RAPGEF4: variants seen among roughly 807,000 people sequenced by gnomAD.
RAPGEF4 encodes the protein RAP guanine-nucleotide-exchange factor (GEF) 4.
Under a neutral mutation model 147.9 loss-of-function variants are expected in RAPGEF4, and 66 were observed. The observed-to-expected ratio is 0.45, with a 90% CI of 0.37 to 0.55. The LOEUF (loss-of-function observed/expected upper bound fraction) is 0.55. RAPGEF4 is among the 20% of genes least tolerant of loss of function. The probability of loss-of-function intolerance (pLI) is 0.00; values close to 1 mark genes in which losing one functional copy is unlikely to be tolerated. For synonymous variants in RAPGEF4, 419 were observed against 442.7 expected, an observed-to-expected ratio of 0.95 and a Z score of 0.67; for missense variants, 1,071 against 1,257.3, an observed-to-expected ratio of 0.85 and a Z score of 2.24.
At chr2:172,750,332 A>G (rs532569691) in intron 1 of RAPGEF4, among the ~76,000 whole-genome samples, 62 of 152,206 alleles carry the variant, frequency 4.1e-4, no homozygotes, top group African/African-American at 1.5e-3. Flanking sequence ...GGGAGGCCTC[A>G]CAATCATGGC....
chr2:172,877,196 G>T (rs1328256379), intron 4 of RAPGEF4, among the ~76,000 whole-genome samples: 1 of 152,166 alleles, frequency 6.6e-6, no homozygotes. Flanking sequence ...AAAAAAGGAT[G>T]AGTTCATGTC....
chr2:172,884,679 A>T (rs543639538), intron 4 of RAPGEF4, among the ~76,000 whole-genome samples: 51 of 152,288 alleles, frequency 3.3e-4, no homozygotes, highest in Admixed American at 7.2e-4. Context: ...GTGTGCCCCA[A>T]AAGAGTTTTA....
At chr2:172,889,840 C>T (rs1245915627) in intron 4 of RAPGEF4, 1 of 980,182 alleles carries the variant, frequency 1.0e-6, no homozygotes, top group Non-Finnish European at 1.2e-6. Flanking sequence ...TGTGGCTTCT[C>T]TTAGCAGATT....
At chr2:172,937,027 C>G (rs1686645748) in intron 6 of RAPGEF4, among the ~76,000 whole-genome samples, 1 of 104,506 alleles carries the variant, frequency 9.6e-6, no homozygotes, top group South Asian at 3.8e-4. Flanking sequence ...CAGTGAGACT[C>G]CTCTCTCTGC....
intron 4 of RAPGEF4, among the ~76,000 whole-genome samples, chr2:172,913,424 A>G (rs77841750): frequency 0.02 from 2,974 of 152,324 alleles, 103 homozygotes; most frequent in South Asian, 0.13. Flanking sequence ...TTTGAACAGG[A>G]TGCTGTGGGG....
chr2:172,826,249 G>A (rs922063120), intron 4 of RAPGEF4, among the ~76,000 whole-genome samples: 1 of 152,182 alleles, frequency 6.6e-6, no homozygotes, highest in South Asian at 2.1e-4. Flanking sequence ...TTAGAGAAGC[G>A]AGTTCTCTTT....
rs538960081 is a variant in RAPGEF4, at chr2:172,980,482, A to G, written c.1005-3014A>G. On this transcript the variant is annotated intron_variant, in intron 10 of 30. Coordinates refer to ENST00000397081, the MANE Select transcript of RAPGEF4 (RefSeq NM_007023.4). ...GGGATGGACAAAAGAACAACAAACCAAAAAGACATTGAGGAGAAATGTTCA... is the reference window on the plus strand; with the variant it reads ...GGGATGGACAAAAGAACAACAAACCGAAAAGACATTGAGGAGAAATGTTCA... Among the ~76,000 whole-genome samples the G allele has an allele frequency of 2.6e-5, 4 of 152,338 alleles. No homozygotes were observed. In the East Asian group the frequency reaches 7.7e-4, roughly 29 times the overall value.
intron 10 of RAPGEF4, among the ~76,000 whole-genome samples, chr2:172,974,493 G>T (rs756704598): frequency 6.6e-6 from 1 of 152,048 alleles, no homozygotes; most frequent in African/African-American, 2.4e-5. Flanking sequence ...AGACCAGCCC[G>T]GGCAACATGG....
chr2:172,863,219 A>G (rs1310663595), intron 4 of RAPGEF4, among the ~76,000 whole-genome samples: 1 of 152,162 alleles, frequency 6.6e-6, no homozygotes, highest in African/African-American at 2.4e-5. Flanking sequence ...CTAGAACAAT[A>G]CAGTATTTCA....
chr2:172,775,141 G>T (rs1308329651), intron 1 of RAPGEF4, among the ~76,000 whole-genome samples: 1 of 152,184 alleles, frequency 6.6e-6, no homozygotes, highest in Non-Finnish European at 1.5e-5. Flanking sequence ...TGGGTGGGTA[G>T]TTACAGTATC....
At chr2:172,810,223 G>A (rs1358208609) in intron 3 of RAPGEF4, among the ~76,000 whole-genome samples, 1 of 152,196 alleles carries the variant, frequency 6.6e-6, no homozygotes, top group Non-Finnish European at 1.5e-5. Context: ...ATATCCTTGA[G>A]CCTGATTTGC....
chr2:173,028,878 T>C (rs576934974), intron 25 of RAPGEF4, among the ~76,000 whole-genome samples: 1 of 152,366 alleles, frequency 6.6e-6, no homozygotes, highest in South Asian at 2.1e-4. Flanking sequence ...TGGAAGCAGA[T>C]GTTCTTATTC....
chr2:172,776,261 A>G (rs1039431012), intron 1 of RAPGEF4, among the ~76,000 whole-genome samples: 5 of 152,160 alleles, frequency 3.3e-5, no homozygotes, highest in Admixed American at 3.3e-4. Context: ...TAGGCTTGAT[A>G]GTGGTAGTGC....
intron 1 of RAPGEF4, among the ~76,000 whole-genome samples, chr2:172,785,895 T>G (rs1685143527): frequency 6.6e-6 from 1 of 152,160 alleles, no homozygotes; most frequent in Non-Finnish European, 1.5e-5. Flanking sequence ...GTGGCAGAAG[T>G]TGCCACTAAG....
intron 4 of RAPGEF4, chr2:172,822,042 T>A: frequency 6.3e-7 from 1 of 1,574,854 alleles, no homozygotes; most frequent in Non-Finnish European, 8.7e-7. Flanking sequence ...CATGTTACTG[T>A]TTGCATTTTG....
intron 1 of RAPGEF4, among the ~76,000 whole-genome samples, chr2:172,773,760 A>AAAAAC (rs147347935): frequency 7.5e-4 from 114 of 152,160 alleles, no homozygotes; most frequent in East Asian, 3.5e-3. Flanking sequence ...TCTAAAGCCA[A>AAAAAC]AAAACAAAAC....
intron 4 of RAPGEF4, among the ~76,000 whole-genome samples, chr2:172,865,800 G>C (rs1417453374): frequency 6.6e-6 from 1 of 152,130 alleles, no homozygotes; most frequent in Non-Finnish European, 1.5e-5. Flanking sequence ...TCCGAGTGAA[G>C]GGAGGGAGGC....
At position 172,931,172 on chromosome 2, in the gene RAPGEF4, T is replaced by TA. The variant is rs112366465; in HGVS notation, c.537+8872_537+8873insA. Among the ~76,000 whole-genome samples, 30 of 6,374 alleles carry TA rather than the reference T, an allele frequency of 4.7e-3. 2 individuals carry two copies. The highest frequency in any genetic ancestry group is 0.023 in the South Asian group (2 of 86). 4.2% of individuals were successfully genotyped at this position (6,374 alleles called of 152,430 possible). A position where few individuals can be genotyped will look rare whatever the true frequency, so the allele number is the denominator to read the frequency against. On this transcript the variant is annotated intron_variant, in intron 6 of 30. Transcript: ENST00000397081. ...TTAGTAAGATCAAGCCAGGCCGGGG[T>TA]GGGGGGGGGGGGCGCTGGGGGGCGG...
chr2:172,925,777 A>AAGAGAG (rs67773579), intron 6 of RAPGEF4, among the ~76,000 whole-genome samples: 1 of 133,894 alleles, frequency 7.5e-6, no homozygotes, highest in African/African-American at 2.8e-5. Flanking sequence ...GAAAGAAAGA[A>AAGAGAG]AGAGAGAGAG....
Sources: allele counts gnomAD v4.1 joint callset (sites outside exome capture counted in the v4.1 genomes callset), GRCh38; gene constraint gnomAD v4.1.1; transcripts MANE v1.5; gene names NCBI Gene and HGNC (gene_info 2026-07-23, HGNC 2026-07-21).